Variants in OSBP observed in about 807,000 individuals in gnomAD.
The protein encoded by OSBP is oxysterol binding protein, also known as oxysterol-binding protein 1.
Under a neutral mutation model 96.6 loss-of-function variants are expected in OSBP, and 32 were observed. That is an observed-to-expected ratio of 0.33 (90% CI 0.25 to 0.45). OSBP has a LOEUF of 0.45. Ranked by LOEUF, OSBP falls within the 20% of genes least tolerant of loss-of-function variation. The pLI, the probability that OSBP is intolerant of heterozygous loss-of-function variation, is 1.00. For synonymous variants in OSBP, 369 were observed against 389.6 expected, an observed-to-expected ratio of 0.95 and a Z score of 0.62; for missense variants, 653 against 1,029.7, an observed-to-expected ratio of 0.63 and a Z score of 5.01.
At chr11:59,585,248 C>T (rs1190518853) in intron 9 of OSBP, among the ~76,000 whole-genome samples, 4 of 151,238 alleles carry the variant, frequency 2.6e-5, no homozygotes, top group South Asian at 2.1e-4. Context: ...TCTGCCCAGC[C>T]GCCCATCGTC....
chr11:59,589,771 T>A (rs540799856), intron 9 of OSBP, among the ~76,000 whole-genome samples: 1 of 151,668 alleles, frequency 6.6e-6, no homozygotes, highest in African/African-American at 2.4e-5. Flanking sequence ...GATCATGAGG[T>A]CAGGAGTTTG....
rs1429530319 is a variant in OSBP at position 59,615,756 on chromosome 11, A to C, written c.-92T>G. ...GCCCCACACGGCTACCGCATCAGCC[A>C]CCGCCGCGCAGCGTCCCCGCCCCGC... On this transcript the variant is annotated 5_prime_UTR_variant, in exon 1 of 14. Transcript: ENST00000263847. The C allele has an allele frequency of 9.0e-6, 11 of 1,216,776 alleles. 1 individual carries two copies. In the South Asian group the frequency reaches 3.6e-4, roughly 40 times the overall value. 75.4% of individuals were successfully genotyped at this position (1,216,776 alleles called of 1,614,324 possible).
intron 9 of OSBP, among the ~76,000 whole-genome samples, chr11:59,582,555 T>A (rs1400532228): frequency 6.6e-6 from 1 of 152,194 alleles, no homozygotes. Flanking sequence ...AATAAAACGG[T>A]AATGATAAGT....
intron 1 of OSBP, among the ~76,000 whole-genome samples, chr11:59,614,590 CCTAA>C (rs1335276328): frequency 2.0e-5 from 3 of 152,142 alleles, no homozygotes; most frequent in South Asian, 2.1e-4. Flanking sequence ...AAAAGTTAAT[CCTAA>C]CTAACCAAAA....
Position 59,575,564 on chromosome 11 carries a change from G to T in OSBP, c.*1013C>A, listed in dbSNP as rs146228281. The T allele has an allele frequency of 2.0e-5, 3 of 152,694 alleles. No homozygotes were observed. In the East Asian group the frequency reaches 5.8e-4, roughly 29 times the overall value. The allele number at this position is 152,694 out of a possible 1,614,324, so 9.5% of individuals were successfully genotyped here. A position where few individuals can be genotyped will look rare whatever the true frequency, so the allele number is the denominator to read the frequency against. The stretch of plus-strand genomic sequence containing the variant: ...AGATATTTAACACATTATTCCAGAG[G>T]TGGCTCCAGTCCTTGGGGCTTGAGA... On this transcript the variant is annotated 3_prime_UTR_variant, in exon 14 of 14. Coordinates refer to ENST00000263847, the MANE Select transcript of OSBP (RefSeq NM_002556.3).
At position 59,576,235 on chromosome 11, in the gene OSBP, CAAGGG is replaced by C. The variant is rs1305637092; in HGVS notation, c.*337_*341del. On this transcript the variant is annotated 3_prime_UTR_variant, in exon 14 of 14. Transcript: ENST00000263847. ...CAGATCTTGGCTGAGCAGGATACTA[CAAGGG>C]GAGGGTGAGTGACATTGTCTTAAAT... 1 of 214,916 alleles carries C rather than the reference CAAGGG, an allele frequency of 4.7e-6. No individual in the cohort carries two copies. Among genetic ancestry groups the C allele is most frequent in the African/African-American group, 2.3e-5 (1 of 43,344 alleles). The allele number at this position is 214,916 out of a possible 1,614,324, so 13.3% of individuals were successfully genotyped here.
In OSBP at chr11:59,575,529, T is replaced by C. The variant is rs1590664802; in HGVS notation, c.*1048A>G. On this transcript the variant is annotated 3_prime_UTR_variant, in exon 14 of 14. Transcript: ENST00000263847. ...AAAATTAGATTTTTCTCTACATATA[T>C]ATAATATACAGATATTTAACACATT... 6.6e-6 allele frequency: 1 copy of C among 152,642 alleles called. No individual in the cohort carries two copies. The highest frequency in any genetic ancestry group is 1.9e-4 in the East Asian group (1 of 5,204). The allele number at this position is 152,642 out of a possible 1,614,324, so 9.5% of individuals were successfully genotyped here. A position where few individuals can be genotyped will look rare whatever the true frequency, so the allele number is the denominator to read the frequency against.
At chr11:59,600,437 C>G in intron 7 of OSBP, 59 bp downstream of exon 7, 1 of 1,591,608 alleles carries the variant, frequency 6.3e-7, no homozygotes, top group Non-Finnish European at 8.6e-7. Context: ...TATCAGCACT[C>G]TTCCCACTGA....
At chr11:59,579,703 A>G (rs761548475) in intron 11 of OSBP, among the ~76,000 whole-genome samples, 3 of 150,576 alleles carry the variant, frequency 2.0e-5, no homozygotes, top group Admixed American at 6.6e-5. Flanking sequence ...GTCTTTCTTG[A>G]TGACTTTCTC....
At chr11:59,606,761 C>T (rs1704257697) in intron 3 of OSBP, among the ~76,000 whole-genome samples, 1 of 152,232 alleles carries the variant, frequency 6.6e-6, no homozygotes, top group South Asian at 2.1e-4. Context: ...AGCTGTGATG[C>T]TCTAGCATGT....
In OSBP at chr11:59,615,420, G is replaced by A. The variant is rs1260943265; in HGVS notation, c.245C>T (p.Ser82Leu). Reference sequence around the variant, plus strand: ...AGCCGAGCCCGAACCCCCAGCGCCCGAGCCGCCCGAGCCCCCAGTCGGCGG... The same window carrying A: ...AGCCGAGCCCGAACCCCCAGCGCCCAAGCCGCCCGAGCCCCCAGTCGGCGG... ...PAPPTGGSGG[S>L]GAGGSGSARE... Residue 82 changes from serine (S) to leucine (L), a missense_variant, in exon 1 of 14, where the codon TCG becomes TTG. Ser to Leu is a moderately radical substitution (Grantham distance 145). Coordinates refer to ENST00000263847, the MANE Select transcript of OSBP (RefSeq NM_002556.3). 2.0e-6 allele frequency: 3 copies of A among 1,514,014 alleles called. No individual in the cohort carries two copies. Among genetic ancestry groups the A allele is most frequent in the Admixed American group, 2.0e-5 (1 of 49,930 alleles). The allele number at this position is 1,514,014 out of a possible 1,614,324, so 93.8% of individuals were successfully genotyped here.
Position 59,578,341 on chromosome 11 carries a change from G to C in OSBP, c.1879-11C>G, listed in dbSNP as rs371421946. 1 of 1,612,886 alleles carries C rather than the reference G, an allele frequency of 6.2e-7. No individual in the cohort carries two copies. Among genetic ancestry groups the C allele is most frequent in the Non-Finnish European group, 8.5e-7 (1 of 1,179,138 alleles). Reference sequence around the variant, plus strand: ...CACTTCCCCCGTCACCTGCAAGGGTGGAGAACAGGGCTTGGCTATATAGAA... The same window carrying C: ...CACTTCCCCCGTCACCTGCAAGGGTCGAGAACAGGGCTTGGCTATATAGAA... On this transcript the variant is annotated splice_polypyrimidine_tract_variant and intron_variant, in intron 11 of 13. Coordinates refer to ENST00000263847, the MANE Select transcript of OSBP (RefSeq NM_002556.3).
chr11:59,614,833 C>A (rs12289921), intron 1 of OSBP, among the ~76,000 whole-genome samples: 25,761 of 152,152 alleles, frequency 0.17, 3,938 homozygotes, highest in African/African-American at 0.41. Flanking sequence ...CGGGTACATC[C>A]AGAGCTACGA....
intron 9 of OSBP, among the ~76,000 whole-genome samples, chr11:59,587,885 T>G (rs1488664180): frequency 6.6e-6 from 1 of 152,230 alleles, no homozygotes; most frequent in Non-Finnish European, 1.5e-5. Flanking sequence ...AACATTTTTT[T>G]TTCTTAAGAC....
intron 9 of OSBP, 135 bp downstream of exon 9, chr11:59,593,469 C>T (rs1175801899): frequency 2.1e-6 from 2 of 943,672 alleles, no homozygotes; most frequent in Non-Finnish European, 3.3e-6. Flanking sequence ...AAATACCTGC[C>T]CAAAGCCAGT....
chr11:59,596,207 C>T (rs113174064), intron 7 of OSBP, among the ~76,000 whole-genome samples: 276 of 152,050 alleles, frequency 1.8e-3, no homozygotes, highest in African/African-American at 6.1e-3. Context: ...TGAGGGGTGG[C>T]GCGCTGCAAA....
chr11:59,593,767 G>A (rs1214515538), intron 8 of OSBP, 43 bp from the exon 9 acceptor site: 5 of 1,610,160 alleles, frequency 3.1e-6, no homozygotes, highest in South Asian at 1.1e-5. Flanking sequence ...GAAAGGAGAA[G>A]AAAAAGATAC....
Position 59,608,516 on chromosome 11 carries a change from G to A in OSBP, c.790C>T (p.Leu264Phe). ...KIKQVNERAT[L>F]FRITSNAMIN... The stretch of plus-strand genomic sequence containing the variant: ...ATGGCATTGGATGTTATCCTAAAGA[G>A]TGTGGCTCGTTCGTTGACCTGTTTG... Residue 264 changes from leucine (L) to phenylalanine (F), a missense_variant, in exon 3 of 14, where the codon CTC becomes TTC. Transcript: ENST00000263847. The A allele has an allele frequency of 1.2e-6, 2 of 1,614,166 alleles. No individual in the cohort carries two copies. The highest frequency in any genetic ancestry group is 1.7e-6 in the Non-Finnish European group (2 of 1,180,008).
At position 59,615,438 on chromosome 11, in the gene OSBP, G is replaced by A; in HGVS notation, c.227C>T (p.Thr76Ile). Residue 76 changes from threonine to isoleucine, a missense_variant, in exon 1 of 14, where the codon ACT becomes ATT. Around this residue, in one of 6 missense-constraint regions of OSBP, gnomAD observed 151 missense variants for 146.1 expected, o/e 1.03. Coordinates refer to ENST00000263847, the MANE Select transcript of OSBP (RefSeq NM_002556.3). ...AGCGCCCGAGCCGCCCGAGCCCCCA[G>A]TCGGCGGCGCAGGGGCCGGGCCAGC... ...AAAGPAPAPP[T>I]GGSGGSGAGG... 1 of 1,483,680 alleles carries A rather than the reference G, an allele frequency of 6.7e-7. No homozygotes were observed. The highest frequency in any genetic ancestry group is 1.2e-5 in the South Asian group (1 of 82,426). 91.9% of individuals were successfully genotyped at this position (1,483,680 alleles called of 1,614,324 possible). A position where few individuals can be genotyped will look rare whatever the true frequency, so the allele number is the denominator to read the frequency against.
Sources: allele counts gnomAD v4.1 joint callset (sites outside exome capture counted in the v4.1 genomes callset), GRCh38; gene constraint gnomAD v4.1.1; regional missense constraint gnomAD v4.1.1; transcripts MANE v1.5; gene names NCBI Gene and HGNC (gene_info 2026-07-23, HGNC 2026-07-21).